CADPS: variants seen among roughly 807,000 people sequenced by gnomAD.
CADPS encodes calcium dependent secretion activator, also known as calcium-dependent secretion activator 1.
Under a neutral mutation model 167.3 loss-of-function variants are expected in CADPS, and 57 were observed. The observed-to-expected ratio is 0.34, with a 90% CI of 0.28 to 0.42. The LOEUF (loss-of-function observed/expected upper bound fraction) is 0.42. Among genes scored for constraint, CADPS ranks in the 20% least tolerant of loss-of-function variants. The pLI is 1.00. For missense variants in CADPS, 1,414 were observed against 1,738.1 expected (o/e 0.81, Z 3.32); for synonymous variants, 676 against 635.3 (o/e 1.06, Z -0.96).
intron 1 of CADPS, among the ~76,000 whole-genome samples, chr3:62,841,587 T>C (rs936826680): frequency 7.2e-5 from 11 of 152,252 alleles, no homozygotes; most frequent in Middle Eastern, 3.4e-3. Context: ...CGTGGTGGCA[T>C]GTGCCTGTAG....
chr3:62,713,116 C>T (rs1014041265), intron 3 of CADPS, among the ~76,000 whole-genome samples: 5 of 152,166 alleles, frequency 3.3e-5, no homozygotes, highest in African/African-American at 1.2e-4. Flanking sequence ...TGAGCTTTTA[C>T]CAAATGCCAG....
intron 9 of CADPS, among the ~76,000 whole-genome samples, chr3:62,563,657 G>T (rs889577616): frequency 8.5e-5 from 13 of 152,094 alleles, no homozygotes; most frequent in African/African-American, 2.9e-4. Flanking sequence ...AGTATACAAT[G>T]AACCCAATTT....
intron 1 of CADPS, among the ~76,000 whole-genome samples, chr3:62,867,596 T>G (rs1028746184): frequency 3.9e-5 from 6 of 152,044 alleles, no homozygotes; most frequent in African/African-American, 1.4e-4. Context: ...ACTACCTGCC[T>G]TCTGGTATTC....
intron 6 of CADPS, among the ~76,000 whole-genome samples, chr3:62,599,798 A>ATATATATAT (rs2059600949): frequency 8.7e-5 from 1 of 11,460 alleles, no homozygotes; most frequent in Non-Finnish European, 1.4e-4. Flanking sequence ...AATATATATA[A>ATATATATAT]TATATAATAA....
chr3:62,767,304 G>A (rs2152513780), intron 1 of CADPS, among the ~76,000 whole-genome samples: 1 of 152,212 alleles, frequency 6.6e-6, no homozygotes, highest in Admixed American at 6.5e-5. Context: ...CTTATATTCT[G>A]CATTGACCTG....
chr3:62,835,824 G>C (rs562290853), intron 1 of CADPS, among the ~76,000 whole-genome samples: 4 of 152,308 alleles, frequency 2.6e-5, no homozygotes, highest in African/African-American at 9.6e-5. Flanking sequence ...AGAATTGAAA[G>C]AGAAAACAGA....
At chr3:62,771,124 T>C (rs1329390955) in intron 1 of CADPS, among the ~76,000 whole-genome samples, 1 of 152,240 alleles carries the variant, frequency 6.6e-6, no homozygotes, top group African/African-American at 2.4e-5. Context: ...AAGGACCATA[T>C]CTGTCTTGTT....
chr3:62,623,408 A>T (rs2063483071), intron 6 of CADPS, among the ~76,000 whole-genome samples: 1 of 151,912 alleles, frequency 6.6e-6, no homozygotes, highest in African/African-American at 2.4e-5. Context: ...GTGGTTGATA[A>T]CTCCTCCTGA....
intron 8 of CADPS, 48 bp downstream of exon 8, chr3:62,585,137 A>G: frequency 6.4e-7 from 1 of 1,572,272 alleles, no homozygotes. Flanking sequence ...ATTTTGAGAA[A>G]TGAACAGACG....
At chr3:62,649,949 G>A (rs991906641) in intron 5 of CADPS, among the ~76,000 whole-genome samples, 2 of 152,126 alleles carry the variant, frequency 1.3e-5, no homozygotes, top group South Asian at 2.1e-4. Context: ...TCCATTGTAC[G>A]GGTATACCCC....
At chr3:62,616,892 C>A (rs2149397971) in intron 6 of CADPS, among the ~76,000 whole-genome samples, 1 of 152,240 alleles carries the variant, frequency 6.6e-6, no homozygotes, top group East Asian at 1.9e-4. Flanking sequence ...CATGTTCTTT[C>A]TCAGAAATAA....
In CADPS at chr3:62,791,694, G is replaced by A. The variant is rs574125292; in HGVS notation, c.442-25710C>T. Among the ~76,000 whole-genome samples the A allele has an allele frequency of 3.3e-4, 51 of 152,262 alleles. 2 individuals carry two copies. In the South Asian group the frequency reaches 5.2e-3, roughly 15 times the overall value. On this transcript the variant is annotated intron_variant, in intron 1 of 29. Coordinates refer to ENST00000383710, the MANE Select transcript of CADPS (RefSeq NM_003716.4). ...TGGCACCAGGCACCGGATAAGTCAC[G>A]GCAGGAAAACGGAAAAGATATAGGA...
At chr3:62,833,151 C>G (rs903189064) in intron 1 of CADPS, among the ~76,000 whole-genome samples, 2 of 151,976 alleles carry the variant, frequency 1.3e-5, no homozygotes, top group Non-Finnish European at 2.9e-5. Flanking sequence ...TACTTTTCTA[C>G]TATTCTTTGA....
intron 4 of CADPS, 90 bp from the exon 5 acceptor site, chr3:62,651,170 T>C (rs1374247205): frequency 2.4e-6 from 2 of 838,508 alleles, no homozygotes; most frequent in African/African-American, 1.7e-5. Flanking sequence ...AGAGTTAGAA[T>C]CACATCTACT....
At chr3:62,463,022 G>T (rs914206766) in intron 26 of CADPS, among the ~76,000 whole-genome samples, 1 of 152,148 alleles carries the variant, frequency 6.6e-6, no homozygotes, top group African/African-American at 2.4e-5. Context: ...GAAGTTACGG[G>T]CCCAGCAACA....
At chr3:62,589,490 T>G (rs937280798) in intron 7 of CADPS, among the ~76,000 whole-genome samples, 2 of 152,104 alleles carry the variant, frequency 1.3e-5, no homozygotes, top group Non-Finnish European at 2.9e-5. Flanking sequence ...CAGCCCAGGG[T>G]TTTATTTTTG....
chr3:62,653,321 C>T (rs1345632012), intron 4 of CADPS, among the ~76,000 whole-genome samples: 2 of 152,058 alleles, frequency 1.3e-5, no homozygotes, highest in Non-Finnish European at 1.5e-5. Context: ...TCATTTGTTC[C>T]TGCCAGCATG....
chr3:62,438,189 T>C lies in CADPS; in HGVS notation c.3692A>G (p.Asp1231Gly). ...ATGGCGGACGAAAGTCACGTAGGCG[T>C]CGGCCACGTCCATCCCGGGTTTCTG... is the stretch of plus-strand genomic sequence containing the variant. ...DVPKPGMDVA[D>G]AYVTFVRHSQ... Residue 1231 changes from aspartate to glycine, a missense_variant, in exon 28 of 30, where the codon GAC (aspartate) becomes GGC (glycine). Asp to Gly is a moderately conservative substitution (Grantham distance 94). This residue lies in a region of CADPS where 185 missense variants were observed against 251.5 expected (regional missense o/e 0.74). Coordinates refer to ENST00000383710, the MANE Select transcript of CADPS (RefSeq NM_003716.4). The surrounding 1 kb of genome is among the most constrained non-coding windows in gnomAD (Gnocchi z 4.7). The C allele has an allele frequency of 6.2e-7, 1 of 1,613,514 alleles. No individual in the cohort carries two copies.
chr3:62,435,655 A>G (rs4688130), intron 28 of CADPS, among the ~76,000 whole-genome samples: 18,807 of 152,136 alleles, frequency 0.12, 1,299 homozygotes, highest in East Asian at 0.22. Flanking sequence ...TCTCTAAATA[A>G]GCTCCTGAAA....
Sources: gnomAD v4.1 joint callset for allele counts (sites outside exome capture counted in the v4.1 genomes callset) on GRCh38, gnomAD v4.1.1 for gene constraint, gnomAD v4.1.1 regional missense constraint, Gnocchi (gnomAD v3.1) non-coding constraint, MANE v1.5 for transcripts, NCBI Gene and HGNC (gene_info 2026-07-23, HGNC 2026-07-21) for gene names.